The following XXYLT1 variants were observed in gnomAD, a reference collection of about 807,000 sequenced individuals.
The protein encoded by XXYLT1 is UDP-xylose:alpha-xyloside alpha-1,3-xylosyltransferase.
A neutral mutation model predicts 28.9 loss-of-function variants in XXYLT1; 20 were observed. The ratio of observed to expected loss-of-function variants is 0.69; its 90% CI spans 0.49 to 1.00. The LOEUF (loss-of-function observed/expected upper bound fraction) is 1.00. Among genes scored for constraint, XXYLT1 ranks in the 50% least tolerant of loss-of-function variants. The probability of loss-of-function intolerance (pLI) is 0.00; values close to 1 mark genes in which losing one functional copy is unlikely to be tolerated. For synonymous variants in XXYLT1, 257 were observed against 253.8 expected (o/e 1.01, Z -0.12); for missense variants, 542 against 560.1 (o/e 0.97, Z 0.33).
At chr3:195,070,791 C>T (rs1319641443) in intron 3 of XXYLT1, among the ~76,000 whole-genome samples, 2 of 152,180 alleles carry the variant, frequency 1.3e-5, no homozygotes, top group African/African-American at 4.8e-5. Context: ...TGGGGGCCTG[C>T]GACAGCCCAG....
intron 3 of XXYLT1, among the ~76,000 whole-genome samples, chr3:195,134,186 A>G (rs913894586): frequency 1.3e-5 from 2 of 152,256 alleles, no homozygotes; most frequent in Non-Finnish European, 2.9e-5. Flanking sequence ...AAAGAGCTGC[A>G]GTAAGCTCAG....
intron 1 of XXYLT1, among the ~76,000 whole-genome samples, chr3:195,266,860 T>A (rs529348810): frequency 1.4e-4 from 22 of 152,338 alleles, no homozygotes; most frequent in African/African-American, 5.3e-4. Context: ...CAGGTGATTC[T>A]GATGCATTTA....
At chr3:195,114,422 G>GTAC (rs1418164685) in intron 3 of XXYLT1, among the ~76,000 whole-genome samples, 1 of 152,144 alleles carries the variant, frequency 6.6e-6, no homozygotes. Flanking sequence ...TTCACTCCAT[G>GTAC]TACTAAATAA....
At chr3:195,213,475 G>A (rs972079689) in intron 2 of XXYLT1, among the ~76,000 whole-genome samples, 3 of 152,038 alleles carry the variant, frequency 2.0e-5, no homozygotes, top group Admixed American at 6.6e-5. Flanking sequence ...TGTTGGTCGG[G>A]CTAGTCTCAA....
chr3:195,235,700 A>T (rs764792424), intron 1 of XXYLT1, among the ~76,000 whole-genome samples: 5 of 151,992 alleles, frequency 3.3e-5, no homozygotes, highest in Admixed American at 2.6e-4. Context: ...GGGTGTTGTG[A>T]TCTAAGTTTT....
chr3:195,235,891 T>TAGAC (rs1724515862), intron 1 of XXYLT1, among the ~76,000 whole-genome samples: 2 of 144,834 alleles, frequency 1.4e-5, no homozygotes, highest in African/African-American at 5.1e-5. Context: ...TCTATAAATA[T>TAGAC]ATAGACATAG....
chr3:195,260,607 CCTGCCA>C (rs1335832318), intron 1 of XXYLT1, among the ~76,000 whole-genome samples: 1 of 152,192 alleles, frequency 6.6e-6, no homozygotes, highest in East Asian at 1.9e-4. Context: ...GACGACAGGC[CCTGCCA>C]CCTTCGCTGT....
chr3:195,147,209 T>A (rs372308136), intron 3 of XXYLT1, among the ~76,000 whole-genome samples: 3 of 152,188 alleles, frequency 2.0e-5, no homozygotes, highest in African/African-American at 7.2e-5. Flanking sequence ...GCAAGAGGCA[T>A]GTCTTCTACT....
chr3:195,212,811 A>C (rs1260539566), intron 2 of XXYLT1, among the ~76,000 whole-genome samples: 1 of 152,022 alleles, frequency 6.6e-6, no homozygotes, highest in Non-Finnish European at 1.5e-5. Context: ...AAGGCTGAGG[A>C]CTGCTGTTCT....
intron 2 of XXYLT1, among the ~76,000 whole-genome samples, chr3:195,170,105 CT>C (rs891580260): frequency 6.6e-6 from 1 of 152,026 alleles, no homozygotes; most frequent in African/African-American, 2.4e-5. Context: ...CAGCCTCGGC[CT>C]CCCAAAGTGC....
At position 195,173,516 on chromosome 3, in the gene XXYLT1, C is replaced by CT. The variant is rs958736784; in HGVS notation, c.653-16936dup. Among the ~76,000 whole-genome samples, 1 of 152,202 alleles carries CT rather than the reference C, an allele frequency of 6.6e-6. No individual in the cohort carries two copies. The highest frequency in any genetic ancestry group is 2.4e-5 in the African/African-American group (1 of 41,450). On this transcript the variant is annotated intron_variant, in intron 2 of 3. Coordinates refer to ENST00000310380, the MANE Select transcript of XXYLT1 (RefSeq NM_152531.5). The surrounding 1 kb of genome is among the most constrained non-coding windows in gnomAD (Gnocchi z 4.3). Reference sequence around the variant, plus strand: ...TGCACCTAAAAACGGACATGAAACTCTATTTTTATTCACTGAATCGTATGC... The same window carrying CT: ...TGCACCTAAAAACGGACATGAAACTCTTATTTTTATTCACTGAATCGTATGC...
intron 3 of XXYLT1, among the ~76,000 whole-genome samples, chr3:195,142,253 G>A (rs1719531249): frequency 1.3e-5 from 2 of 152,156 alleles, no homozygotes; most frequent in South Asian, 2.1e-4. Flanking sequence ...GTTATCAAAC[G>A]TGTTCTAGTT....
Position 195,144,470 on chromosome 3 carries a change from G to T in XXYLT1, c.785+11979C>A, listed in dbSNP as rs566019187. ...CGGCTCACTGCAACCTCCGCCTCCC[G>T]GGTTCAAGTGATTCTCCTGCCTCAG... On this transcript the variant is annotated intron_variant, in intron 3 of 3. Transcript: ENST00000310380. Among the ~76,000 whole-genome samples, 57 of 151,832 alleles carry T rather than the reference G, an allele frequency of 3.8e-4. No homozygotes were observed. In the South Asian group the frequency reaches 0.011, roughly 30 times the overall value.
chr3:195,239,060 T>C (rs1724671854), intron 1 of XXYLT1, among the ~76,000 whole-genome samples: 1 of 152,244 alleles, frequency 6.6e-6, no homozygotes, highest in Non-Finnish European at 1.5e-5. Flanking sequence ...GAGGACAAAC[T>C]GTACTCAGTA....
chr3:195,143,641 G>C (rs1016807063), intron 3 of XXYLT1, among the ~76,000 whole-genome samples: 16 of 150,882 alleles, frequency 1.1e-4, no homozygotes, highest in African/African-American at 3.7e-4. Context: ...TTACTTCCTG[G>C]AGGCATTTAC....
chr3:195,201,203 G>A (rs961193934), intron 2 of XXYLT1, among the ~76,000 whole-genome samples: 1 of 152,128 alleles, frequency 6.6e-6, no homozygotes, highest in African/African-American at 2.4e-5. Context: ...ACTGGACTTC[G>A]AGTTCCTCTG....
chr3:195,231,743 TGATG>T (rs199539250), intron 1 of XXYLT1, among the ~76,000 whole-genome samples: 3,529 of 150,512 alleles, frequency 0.023, 62 homozygotes, highest in South Asian at 0.045. Flanking sequence ...CACTTGGTCA[TGATG>T]AATGATTTTT....
intron 3 of XXYLT1, chr3:195,134,560 C>T (rs570085479): frequency 1.3e-5 from 2 of 156,020 alleles, no homozygotes; most frequent in Admixed American, 6.5e-5. Flanking sequence ...CACCCCATTG[C>T]TCCCAGGCTA....
chr3:195,122,078 G>T (rs1718386972), intron 3 of XXYLT1: 1 of 702,894 alleles, frequency 1.4e-6, no homozygotes, highest in African/African-American at 1.7e-5. Flanking sequence ...TTCTGTGTCT[G>T]GTGAGGACTC....
Sources: gnomAD v4.1 joint callset for allele counts (sites outside exome capture counted in the v4.1 genomes callset) on GRCh38, gnomAD v4.1.1 for gene constraint, Gnocchi (gnomAD v3.1) non-coding constraint, MANE v1.5 for transcripts, NCBI Gene and HGNC (gene_info 2026-07-23, HGNC 2026-07-21) for gene names.